The following TULP4 variants were observed in gnomAD, a reference collection of about 807,000 sequenced individuals.
TULP4 encodes the protein TUB like protein 4.
A neutral mutation model predicts 129.0 loss-of-function variants in TULP4; 16 were observed. The observed-to-expected ratio is 0.12, with a 90% CI of 0.08 to 0.19. TULP4 has a LOEUF of 0.19. Among genes scored for constraint, TULP4 ranks in the 10% least tolerant of loss-of-function variants. TULP4 has a pLI of 1.00. For missense variants in TULP4, 1,842 were observed against 2,059.1 expected, an observed-to-expected ratio of 0.89 and a Z score of 2.04; for synonymous variants, 998 against 854.0, an observed-to-expected ratio of 1.17 and a Z score of -2.94.
chr6:158,505,058 C>G (rs1426717183), intron 13 of TULP4, among the ~76,000 whole-genome samples: 2 of 152,164 alleles, frequency 1.3e-5, no homozygotes, highest in African/African-American at 4.8e-5. Context: ...ATATCAACTT[C>G]CTGTTATCTG....
intron 3 of TULP4, among the ~76,000 whole-genome samples, chr6:158,444,667 G>A (rs1778991503): frequency 6.6e-6 from 1 of 152,126 alleles, no homozygotes; most frequent in Admixed American, 6.5e-5. Flanking sequence ...TTTATATCCT[G>A]TCTTCTCCTC....
intron 1 of TULP4, among the ~76,000 whole-genome samples, chr6:158,331,601 A>G (rs1158947003): frequency 6.7e-6 from 1 of 150,006 alleles, no homozygotes; most frequent in Non-Finnish European, 1.5e-5. Flanking sequence ...ATGCTGTTTC[A>G]ATGGGGAATG....
At chr6:158,415,012 T>C (rs1778175923) in intron 2 of TULP4, among the ~76,000 whole-genome samples, 1 of 152,226 alleles carries the variant, frequency 6.6e-6, no homozygotes, top group African/African-American at 2.4e-5. Context: ...ACTGTCATGT[T>C]CCCAAACAAG....
At chr6:158,293,542 T>C (rs1248230917) in intron 1 of TULP4, among the ~76,000 whole-genome samples, 2 of 152,220 alleles carry the variant, frequency 1.3e-5, no homozygotes, top group Non-Finnish European at 2.9e-5. Flanking sequence ...AAATTACCTC[T>C]ACCACAGGCA....
chr6:158,265,687 A>G (rs1381957611), intron 1 of TULP4, among the ~76,000 whole-genome samples: 1 of 131,490 alleles, frequency 7.6e-6, no homozygotes, highest in African/African-American at 2.9e-5. Context: ...TCTCAGAAGA[A>G]AAAAAAAAAA....
At chr6:158,442,963 A>G (rs1778934561) in intron 3 of TULP4, among the ~76,000 whole-genome samples, 1 of 151,822 alleles carries the variant, frequency 6.6e-6, no homozygotes, top group Admixed American at 6.6e-5. Flanking sequence ...GATTACAGGC[A>G]TCCACCACCA....
chr6:158,233,655 C>T (rs1456459260), intron 1 of TULP4, among the ~76,000 whole-genome samples: 1 of 152,236 alleles, frequency 6.6e-6, no homozygotes, highest in Non-Finnish European at 1.5e-5. Flanking sequence ...CATGGGCACA[C>T]TCATCTCGCG....
At chr6:158,498,569 C>T in intron 11 of TULP4, 100 bp from the exon 12 acceptor site, 1 of 1,446,284 alleles carries the variant, frequency 6.9e-7, no homozygotes, top group Non-Finnish European at 9.6e-7. Context: ...CTTCTGATGG[C>T]AGGGAAACTG....
intron 7 of TULP4, among the ~76,000 whole-genome samples, chr6:158,480,311 C>G (rs1427071628): frequency 6.6e-6 from 1 of 152,224 alleles, no homozygotes; most frequent in Non-Finnish European, 1.5e-5. Flanking sequence ...CTGTCTTGTT[C>G]AGTCCTGACT....
At chr6:158,242,995 G>A (rs544240369) in intron 1 of TULP4, among the ~76,000 whole-genome samples, 2 of 152,174 alleles carry the variant, frequency 1.3e-5, no homozygotes, top group African/African-American at 4.8e-5. Context: ...CACTATGTTG[G>A]CTAGGCTGGT....
chr6:158,501,796 G>A lies in TULP4; in HGVS notation c.2133G>A (p.Gln711=), dbSNP rs367810435. 1.9e-6 allele frequency: 3 copies of A among 1,614,028 alleles called. No homozygotes were observed. In the African/African-American group the frequency reaches 4.0e-5, roughly 22 times the overall value. Reference sequence around the variant, plus strand: ...CCACGCAGAGCATAGGGCTGGTGCAGTCCCTACTGGCCAATCAGAATGTGC... The same window carrying A: ...CCACGCAGAGCATAGGGCTGGTGCAATCCCTACTGGCCAATCAGAATGTGC... The part of the protein sequence containing the change: ...MSPTQSIGLV[Q]SLLANQNVQL... Residue 711 remains glutamine (Q), a synonymous_variant, in exon 13 of 14, where the codon CAG becomes CAA. Coordinates refer to ENST00000367097, the MANE Select transcript of TULP4 (RefSeq NM_020245.5).
chr6:158,425,886 G>A lies in TULP4; in HGVS notation c.382-3850G>A, dbSNP rs149502692. 1.6e-3 allele frequency among the ~76,000 whole-genome samples: 251 copies of A among 152,160 alleles called. 1 individual carries two copies. The highest frequency in any genetic ancestry group is 5.6e-3 in the African/African-American group (231 of 41,532). On this transcript the variant is annotated intron_variant, in intron 2 of 13. Transcript: ENST00000367097. ...TGGGATTATAGGCGTGAGCCACCTC[G>A]CCCTGCCCTGTTTTTTGACTTTTTA...
chr6:158,405,852 A>G lies in TULP4; in HGVS notation c.253-7213A>G, dbSNP rs78720960. Among the ~76,000 whole-genome samples, 472 of 152,242 alleles carry G rather than the reference A, an allele frequency of 3.1e-3. 4 individuals are homozygous for G. The highest frequency in any genetic ancestry group is 0.031 in the Middle Eastern group (9 of 294). On this transcript the variant is annotated intron_variant, in intron 1 of 13. Transcript: ENST00000367097. ...CTTGCCTCGGCGTCTCCCAACACAC[A>G]CCACCAGGAACGTCTTAGTTTATTT...
At chr6:158,336,473 T>C (rs571084562) in intron 1 of TULP4, among the ~76,000 whole-genome samples, 7 of 152,340 alleles carry the variant, frequency 4.6e-5, no homozygotes, top group Non-Finnish European at 7.3e-5. Context: ...CGCTGGATTT[T>C]GAGTCATAAT....
At chr6:158,492,894 A>G (rs1780248769) in intron 9 of TULP4, among the ~76,000 whole-genome samples, 1 of 152,242 alleles carries the variant, frequency 6.6e-6, no homozygotes, top group Non-Finnish European at 1.5e-5. Flanking sequence ...GCAGAGATAC[A>G]ACATGGGATC....
intron 1 of TULP4, among the ~76,000 whole-genome samples, chr6:158,395,974 T>TAATG (rs1318104900): frequency 1.3e-5 from 2 of 152,222 alleles, no homozygotes; most frequent in Non-Finnish European, 2.9e-5. Context: ...TGAGTTAGTG[T>TAATG]AATGCTAAGG....
intron 1 of TULP4, among the ~76,000 whole-genome samples, chr6:158,363,565 C>T (rs968880604): frequency 2.6e-5 from 4 of 152,278 alleles, no homozygotes; most frequent in Admixed American, 2.0e-4. Flanking sequence ...CTCACTGCAA[C>T]CTCTGCCTCC....
chr6:158,273,569 C>G (rs1778587038), intron 1 of TULP4, among the ~76,000 whole-genome samples: 2 of 152,216 alleles, frequency 1.3e-5, no homozygotes, highest in African/African-American at 4.8e-5. Context: ...ATTGCAGACT[C>G]AACATGCCAC....
intron 12 of TULP4, among the ~76,000 whole-genome samples, chr6:158,501,157 T>A (rs917907374): frequency 6.6e-6 from 1 of 152,218 alleles, no homozygotes; most frequent in South Asian, 2.1e-4. Context: ...TTCTACCACA[T>A]TTTACATGGT....
Sources: allele counts gnomAD v4.1 joint callset (sites outside exome capture counted in the v4.1 genomes callset), GRCh38; gene constraint gnomAD v4.1.1; transcripts MANE v1.5; gene names NCBI Gene and HGNC (gene_info 2026-07-23, HGNC 2026-07-21).